LRP5: variants seen among roughly 807,000 people sequenced by gnomAD.
The protein encoded by LRP5 is LDL receptor related protein 5, also known as low-density lipoprotein receptor-related protein 5.
LRP5 carries 62 observed loss-of-function variants against 154.1 expected under a neutral mutation model. The ratio of observed to expected loss-of-function variants is 0.40; its 90% confidence interval spans 0.33 to 0.50. The LOEUF (loss-of-function observed/expected upper bound fraction) is 0.50. Among genes scored for constraint, LRP5 ranks in the 20% least tolerant of loss-of-function variants. LRP5 has a pLI of 0.55. For missense variants in LRP5, 1,915 were observed against 2,336.7 expected (o/e 0.82, Z 3.72); for synonymous variants, 966 against 1,011.5 (o/e 0.96, Z 0.85).
At chr11:68,445,497 T>C (rs1268374857) in intron 21 of LRP5, 1 of 789,166 alleles carries the variant, frequency 1.3e-6, no homozygotes, top group Admixed American at 2.5e-5. Context: ...GGCAGTGTTC[T>C]TGTACCACCC....
intron 8 of LRP5, 69 bp downstream of exon 8, chr11:68,403,768 A>G: frequency 1.3e-6 from 2 of 1,584,158 alleles, no homozygotes; most frequent in South Asian, 1.1e-5. Flanking sequence ...TGACGGGTCC[A>G]TGCCTGGGCA....
chr11:68,338,439 G>T (rs756458387), intron 1 of LRP5, among the ~76,000 whole-genome samples: 8 of 152,184 alleles, frequency 5.3e-5, no homozygotes, highest in Non-Finnish European at 1.2e-4. Context: ...TGGCACTTGG[G>T]TTTTCAAACT....
intron 5 of LRP5, among the ~76,000 whole-genome samples, chr11:68,372,814 C>T (rs2098635012): frequency 6.6e-6 from 1 of 151,998 alleles, no homozygotes; most frequent in African/African-American, 2.4e-5. Flanking sequence ...GAGCACGGCT[C>T]ACACGGCCAG....
chr11:68,417,033 AGCAAAGTGCCT>A (rs2098662955), intron 13 of LRP5, among the ~76,000 whole-genome samples: 1 of 152,262 alleles, frequency 6.6e-6, no homozygotes, highest in Admixed American at 6.5e-5. Flanking sequence ...CCTGGGAAAT[AGCAAAGTGCCT>A]TTTGCACATT....
At chr11:68,417,660 C>T (rs1263642358) in intron 13 of LRP5, among the ~76,000 whole-genome samples, 2 of 151,616 alleles carry the variant, frequency 1.3e-5, no homozygotes, top group East Asian at 2.0e-4. Flanking sequence ...CTAGGCTGGG[C>T]GCGGTGGCTC....
In LRP5 at chr11:68,365,692, G is replaced by A. The variant is rs756268764; in HGVS notation, c.1005G>A (p.Thr335=). 60 of 1,479,690 alleles carry A rather than the reference G, an allele frequency of 4.1e-5. No individual in the cohort carries two copies. Among genetic ancestry groups the A allele is most frequent in the Admixed American group, 2.5e-4 (14 of 55,190 alleles). The allele number at this position is 1,479,690 out of a possible 1,614,324, so 91.7% of individuals were successfully genotyped here. A position where few individuals can be genotyped will look rare whatever the true frequency, so the allele number is the denominator to read the frequency against. Residue 335 remains threonine (T), a synonymous_variant, in exon 5 of 23, where the codon ACG becomes ACA. Coordinates refer to ENST00000294304, the MANE Select transcript of LRP5 (RefSeq NM_002335.4). Reference sequence around the variant, plus strand: ...TGCAGCTGCAGGACAACGGCAGGACGTGTAAGGCAGGTGAGGCGGTGGGAC... The same window carrying A: ...TGCAGCTGCAGGACAACGGCAGGACATGTAAGGCAGGTGAGGCGGTGGGAC... ...TGVQLQDNGR[T]CKAGAEEVLL...
intron 5 of LRP5, among the ~76,000 whole-genome samples, chr11:68,372,677 G>C (rs1227184392): frequency 1.3e-5 from 2 of 152,208 alleles, no homozygotes; most frequent in Admixed American, 6.5e-5. Context: ...GTGCTGAGCA[G>C]CGTGATGGTG....
chr11:68,407,343 T>A (rs952954979), intron 9 of LRP5, among the ~76,000 whole-genome samples: 3 of 151,648 alleles, frequency 2.0e-5, no homozygotes, highest in African/African-American at 4.8e-5. Flanking sequence ...TAATTTTTTT[T>A]ATATTTTTAG....
chr11:68,349,027 C>CTTTTTTT (rs368502197), intron 2 of LRP5, among the ~76,000 whole-genome samples: 1 of 123,580 alleles, frequency 8.1e-6, no homozygotes, highest in Non-Finnish European at 1.7e-5. Flanking sequence ...AGTTATGTTC[C>CTTTTTTT]TTTTTTTTTT....
chr11:68,443,572 TATA>T (rs2098679634), intron 21 of LRP5, among the ~76,000 whole-genome samples: 8 of 44,350 alleles, frequency 1.8e-4, no homozygotes, highest in African/African-American at 6.6e-4. Context: ...TATATATATA[TATA>T]TATATATATA....
the LRP5 span, among the ~76,000 whole-genome samples, chr11:68,299,868 C>A: frequency 6.7e-6 from 1 of 148,678 alleles, no homozygotes; most frequent in South Asian, 2.1e-4. Context: ...CAGGCGCGAG[C>A]CATCGCGCTC....
intron 17 of LRP5, among the ~76,000 whole-genome samples, chr11:68,430,654 G>C (rs78497305): frequency 0.014 from 2,115 of 152,296 alleles, 19 homozygotes; most frequent in Non-Finnish European, 0.023. Flanking sequence ...GCCTGCTTGA[G>C]CTGTCAGTTA....
the LRP5 span, among the ~76,000 whole-genome samples, chr11:68,299,209 C>T: frequency 2.0e-5 from 3 of 152,226 alleles, no homozygotes; most frequent in Non-Finnish European, 4.4e-5. Flanking sequence ...AGGCCCCACC[C>T]TGCTGTGAAG....
intron 5 of LRP5, among the ~76,000 whole-genome samples, chr11:68,375,911 A>T (rs2098637075): frequency 6.6e-6 from 1 of 152,154 alleles, no homozygotes; most frequent in South Asian, 2.1e-4. Flanking sequence ...CTGGGGAAGG[A>T]TGCATAAGTT....
chr11:68,439,915 C>A lies in LRP5; in HGVS notation c.4487C>A (p.Pro1496Gln). 6.9e-6 allele frequency: 6 copies of A among 875,146 alleles called. No homozygotes were observed. Among genetic ancestry groups the A allele is most frequent in the Non-Finnish European group, 9.9e-6 (6 of 608,060 alleles). 54.2% of individuals were successfully genotyped at this position (875,146 alleles called of 1,614,324 possible). A position where few individuals can be genotyped will look rare whatever the true frequency, so the allele number is the denominator to read the frequency against. Residue 1496 changes from proline to glutamine, a missense_variant and splice_region_variant, in exon 21 of 23, where the codon CCG becomes CAG. This residue lies in a region of LRP5 where 1,094 missense variants were observed against 1,210.1 expected (regional missense o/e 0.90). Transcript: ENST00000294304. ...AGCACGAAGGCCACGCTGTACCCGC[C>A]GGTGAGGGGCGGGGCCGGGGAGGGG... ...SSSTKATLYP[P>Q]ILNPPPSPAT...
At chr11:68,315,834 G>C (rs1258761317) in intron 1 of LRP5, among the ~76,000 whole-genome samples, 1 of 152,244 alleles carries the variant, frequency 6.6e-6, no homozygotes, top group African/African-American at 2.4e-5. Flanking sequence ...GTCTGGTTGT[G>C]ATCCACAAGG....
chr11:68,353,068 C>T lies in LRP5; in HGVS notation c.489-4582C>T, dbSNP rs919056264. ...GGCCCTTGGTTGGGAGTAGTCTTTC[C>T]CATGCTCAGATCTGAGCTGGCTTTG... On this transcript the variant is annotated intron_variant, in intron 2 of 22. Transcript: ENST00000294304. This position sits in a 1 kb window ranked among gnomAD's most constrained non-coding sequence, Gnocchi z 4.5. Among the ~76,000 whole-genome samples the T allele has an allele frequency of 2.0e-5, 3 of 152,144 alleles. No homozygotes were observed. Among genetic ancestry groups the T allele is most frequent in the African/African-American group, 7.2e-5 (3 of 41,410 alleles).
upstream of LRP5, among the ~76,000 whole-genome samples, chr11:68,310,697 A>C (rs1334504947): frequency 1.3e-5 from 2 of 149,754 alleles, no homozygotes; most frequent in Non-Finnish European, 3.0e-5. Context: ...TGAGGTTGCA[A>C]TGAGCTACGA....
At chr11:68,434,363 TTC>T in intron 18 of LRP5, among the ~76,000 whole-genome samples, 1 of 140,430 alleles carries the variant, frequency 7.1e-6, no homozygotes, top group Non-Finnish European at 1.5e-5. Flanking sequence ...CATTCATTCA[TTC>T]ATTCATTCAT....
Sources: allele counts gnomAD v4.1 joint callset (sites outside exome capture counted in the v4.1 genomes callset), GRCh38; gene constraint gnomAD v4.1.1; regional missense constraint gnomAD v4.1.1; non-coding constraint Gnocchi (gnomAD v3.1); transcripts MANE v1.5; gene names NCBI Gene and HGNC (gene_info 2026-07-23, HGNC 2026-07-21).